Variants in KIAA0586 observed in about 807,000 individuals in gnomAD.
KIAA0586 encodes KIAA0586, also known as protein TALPID3.
Under a neutral mutation model 169.8 loss-of-function variants are expected in KIAA0586, and 144 were observed. That is an observed-to-expected ratio of 0.85 (90% CI 0.74 to 0.97). The LOEUF is 0.97. Among genes scored for constraint, KIAA0586 ranks in the 50% least tolerant of loss-of-function variants. The pLI is 0.00. For missense variants in KIAA0586, 1,854 were observed against 1,823.0 expected (o/e 1.02, Z -0.31); for synonymous variants, 625 against 612.4 (o/e 1.02, Z -0.30).
chr14:58,537,072 T>G, intron 29 of KIAA0586: 1 of 1,259,588 alleles, frequency 7.9e-7, no homozygotes, highest in Non-Finnish European at 1.0e-6. Flanking sequence ...CAAGTTGTGT[T>G]GACCTAGTTG....
rs2047133656 is a variant in KIAA0586 at position 58,548,918 on chromosome 14, T to G, written c.*986T>G. ...CTTCTTATCAGCTGTTTCAGATTAA[T>G]GGGTTTAATACTTATTTTTGCAGAA... On this transcript the variant is annotated 3_prime_UTR_variant, in exon 31 of 31. Transcript: ENST00000652326. 1 of 152,198 alleles carries G rather than the reference T, an allele frequency of 6.6e-6. No individual in the cohort carries two copies. The highest frequency in any genetic ancestry group is 1.5e-5 in the Non-Finnish European group (1 of 68,036). 9.4% of individuals were successfully genotyped at this position (152,198 alleles called of 1,614,324 possible).
At chr14:58,439,440 G>T (rs2038111943) in intron 4 of KIAA0586, among the ~76,000 whole-genome samples, 1 of 152,092 alleles carries the variant, frequency 6.6e-6, no homozygotes. Context: ...GCCCGCCTCA[G>T]CCTCCCAAAG....
intron 29 of KIAA0586, among the ~76,000 whole-genome samples, chr14:58,523,773 A>C (rs2139912179): frequency 6.6e-6 from 1 of 150,684 alleles, no homozygotes; most frequent in African/African-American, 2.5e-5. Context: ...TATATTGCCT[A>C]GGCTGGTCTT....
intron 26 of KIAA0586, among the ~76,000 whole-genome samples, chr14:58,492,552 C>A (rs1324383982): frequency 1.3e-5 from 2 of 152,150 alleles, no homozygotes; most frequent in Non-Finnish European, 2.9e-5. Flanking sequence ...ATGCCAGACA[C>A]AACCTTGGAA....
chr14:58,529,635 G>C (rs2045827600), intron 29 of KIAA0586, among the ~76,000 whole-genome samples: 1 of 152,082 alleles, frequency 6.6e-6, no homozygotes, highest in Admixed American at 6.5e-5. Context: ...ATGCAGAAAA[G>C]GCCTTCAGTA....
At chr14:58,462,258 T>C (rs1262165940) in intron 14 of KIAA0586, among the ~76,000 whole-genome samples, 1 of 150,140 alleles carries the variant, frequency 6.7e-6, no homozygotes. Flanking sequence ...TTTTTTTTTT[T>C]TTTTTTTGAG....
intron 12 of KIAA0586, among the ~76,000 whole-genome samples, 163 bp from the exon 13 acceptor site, chr14:58,459,680 G>T (rs930019643): frequency 5.3e-5 from 8 of 151,840 alleles, no homozygotes; most frequent in African/African-American, 1.9e-4. Flanking sequence ...AGAGATTTTT[G>T]ATTTTTATAT....
chr14:58,494,147 C>G (rs1358377422), intron 26 of KIAA0586, among the ~76,000 whole-genome samples: 1 of 149,236 alleles, frequency 6.7e-6, no homozygotes, highest in South Asian at 2.1e-4. Context: ...CTCTAGAACT[C>G]TTATTTCCAG....
chr14:58,549,363 C>T lies in KIAA0586; in HGVS notation c.*1431C>T, dbSNP rs1298613845. Reference sequence around the variant, plus strand: ...TATTAAAAAAAAAAAAAGACCTTTTCAGGTAATTTTAATGGGCACTCAAGG... The same window carrying T: ...TATTAAAAAAAAAAAAAGACCTTTTTAGGTAATTTTAATGGGCACTCAAGG... On this transcript the variant is annotated 3_prime_UTR_variant, in exon 31 of 31. Transcript: ENST00000652326. 1.3e-5 allele frequency: 2 copies of T among 151,498 alleles called. No homozygotes were observed. Among genetic ancestry groups the T allele is most frequent in the Non-Finnish European group, 2.9e-5 (2 of 67,914 alleles). The allele number at this position is 151,498 out of a possible 1,614,324, so 9.4% of individuals were successfully genotyped here. A position where few individuals can be genotyped will look rare whatever the true frequency, so the allele number is the denominator to read the frequency against.
chr14:58,549,219 A>T lies in KIAA0586; in HGVS notation c.*1287A>T, dbSNP rs371784025. ...TTTTTCAGCATTTTTGTAGGTTGCT[A>T]AGTGGATCTCAGCACTGGCAGCACA... On this transcript the variant is annotated 3_prime_UTR_variant, in exon 31 of 31. Transcript: ENST00000652326. The T allele has an allele frequency of 2.6e-5, 4 of 152,280 alleles. 1 individual carries two copies. 9.4% of individuals were successfully genotyped at this position (152,280 alleles called of 1,614,324 possible).
chr14:58,456,205 TC>T (rs1379782397), intron 9 of KIAA0586, among the ~76,000 whole-genome samples: 3 of 152,244 alleles, frequency 2.0e-5, no homozygotes, highest in Non-Finnish European at 4.4e-5. Flanking sequence ...GGGAATAGGG[TC>T]CCGAGAATGA....
upstream of KIAA0586, chr14:58,427,443 C>T: frequency 1.4e-6 from 1 of 706,386 alleles, no homozygotes; most frequent in Non-Finnish European, 2.3e-6. Context: ...TCAACAGTCC[C>T]TGGTAAACAC....
At chr14:58,477,880 C>T (rs1032108895) in intron 20 of KIAA0586, among the ~76,000 whole-genome samples, 8 of 151,662 alleles carry the variant, frequency 5.3e-5, no homozygotes, top group Non-Finnish European at 1.2e-4. Flanking sequence ...TCTCCCCATT[C>T]TCTTCCCCAT....
At chr14:58,445,320 G>A (rs2038781640) in intron 6 of KIAA0586, among the ~76,000 whole-genome samples, 1 of 151,962 alleles carries the variant, frequency 6.6e-6, no homozygotes, top group African/African-American at 2.4e-5. Flanking sequence ...TTAAAATAAT[G>A]AACATTTTTA....
At chr14:58,523,239 A>G (rs1238426307) in intron 29 of KIAA0586, among the ~76,000 whole-genome samples, 1 of 152,184 alleles carries the variant, frequency 6.6e-6, no homozygotes, top group African/African-American at 2.4e-5. Context: ...TCAATACAGA[A>G]GCATTTTAAT....
chr14:58,542,803 A>G (rs1029054053), intron 30 of KIAA0586, among the ~76,000 whole-genome samples: 4 of 152,178 alleles, frequency 2.6e-5, no homozygotes, highest in Non-Finnish European at 4.4e-5. Flanking sequence ...TTCCAGCACT[A>G]TATAAAACAC....
At chr14:58,555,099 C>CTTTTTTTTTTTTTTTTTT (rs35845234), downstream of KIAA0586, among the ~76,000 whole-genome samples, 1 of 102,560 alleles carries the variant, frequency 9.8e-6, no homozygotes, top group Admixed American at 1.2e-4. Flanking sequence ...TTCTTTCTTT[C>CTTTTTTTTTTTTTTTTTT]TTTTTTTTTT....
At chr14:58,465,138 C>T (rs557524017) in intron 14 of KIAA0586, among the ~76,000 whole-genome samples, 6 of 152,188 alleles carry the variant, frequency 3.9e-5, no homozygotes, top group Admixed American at 1.3e-4. Context: ...TTAATATTTT[C>T]CAGCCAAGGT....
intron 17 of KIAA0586, 134 bp downstream of exon 17, chr14:58,470,857 A>ATTT: frequency 2.4e-6 from 1 of 414,646 alleles, no homozygotes; most frequent in Non-Finnish European, 4.3e-6. Context: ...ATTGAAAACA[A>ATTT]TTTTTTTTTT....
Sources: gnomAD v4.1 joint callset for allele counts (sites outside exome capture counted in the v4.1 genomes callset) on GRCh38, gnomAD v4.1.1 for gene constraint, MANE v1.5 for transcripts, NCBI Gene and HGNC (gene_info 2026-07-23, HGNC 2026-07-21) for gene names.